STRN3: variants seen among roughly 807,000 people sequenced by gnomAD.
The protein encoded by STRN3 is striatin-3.
A neutral mutation model predicts 95.6 loss-of-function variants in STRN3; 29 were observed. The ratio of observed to expected loss-of-function variants is 0.30; its 90% confidence interval spans 0.23 to 0.41. The LOEUF (loss-of-function observed/expected upper bound fraction) is 0.41. STRN3 is among the 10% of genes least tolerant of loss of function. The pLI, the probability that STRN3 is intolerant of heterozygous loss-of-function variation, is 1.00. For missense variants in STRN3, 890 were observed against 972.1 expected, an observed-to-expected ratio of 0.92 and a Z score of 1.12; for synonymous variants, 331 against 357.6, an observed-to-expected ratio of 0.93 and a Z score of 0.84.
intron 1 of STRN3, among the ~76,000 whole-genome samples, chr14:31,002,303 T>C (rs1882498774): frequency 6.6e-6 from 1 of 151,478 alleles, no homozygotes; most frequent in Non-Finnish European, 1.5e-5. Context: ...AAAAACCTAT[T>C]TCTACTAAAA....
At chr14:30,944,553 G>GTA (rs58426505) in intron 5 of STRN3, among the ~76,000 whole-genome samples, 859 of 65,868 alleles carry the variant, frequency 0.013, 8 homozygotes, top group African/African-American at 0.024. Flanking sequence ...ATATATACAC[G>GTA]TATATATATA....
intron 15 of STRN3, among the ~76,000 whole-genome samples, chr14:30,904,172 G>A (rs573640289): frequency 6.6e-6 from 1 of 152,106 alleles, no homozygotes; most frequent in African/African-American, 2.4e-5. Context: ...TAGATAAATA[G>A]CTGATTTCAG....
intron 1 of STRN3, among the ~76,000 whole-genome samples, chr14:30,992,694 T>G (rs533114111): frequency 1.3e-4 from 19 of 151,970 alleles, no homozygotes; most frequent in Non-Finnish European, 2.5e-4. Flanking sequence ...CGTATTTTTA[T>G]ATGCGTCTAT....
chr14:30,923,887 T>C lies in STRN3; in HGVS notation c.1100-4781A>G, dbSNP rs1313727626. Among the ~76,000 whole-genome samples, 3 of 152,272 alleles carry C rather than the reference T, an allele frequency of 2.0e-5. No homozygotes were observed. The East Asian group carries it at 5.8e-4, about 29-fold the overall frequency. The stretch of plus-strand genomic sequence containing the variant: ...CTCCATATTTCAGATGCTTCGTTCA[T>C]ACTGTGATTTTTAATCATTGATTTA... On this transcript the variant is annotated intron_variant, in intron 8 of 17. Coordinates refer to ENST00000357479, the MANE Select transcript of STRN3 (RefSeq NM_001083893.2).
In STRN3 at chr14:30,907,425, T is replaced by C. The variant is rs570573873; in HGVS notation, c.1721-381A>G. On this transcript the variant is annotated intron_variant, in intron 13 of 17. Transcript: ENST00000357479. ...ACCATCATGACAATCAATTTTAGGG[T>C]ACTTTCATCACTCATTAGTCACTTC... Among the ~76,000 whole-genome samples the C allele has an allele frequency of 1.1e-3, 160 of 152,280 alleles. 6 individuals are homozygous for C. The South Asian group carries it at 0.031, about 30-fold the overall frequency.
intron 5 of STRN3, among the ~76,000 whole-genome samples, chr14:30,939,986 CCTTT>C (rs1411087821): frequency 6.6e-6 from 1 of 151,614 alleles, no homozygotes; most frequent in East Asian, 1.9e-4. Context: ...GACTCTACTT[CCTTT>C]CTTTTATATA....
Position 30,943,558 on chromosome 14 carries a change from C to A in STRN3, c.716+3532G>T, listed in dbSNP as rs566065865. ...ATGGCTACAGTGAGCTGTGATTGTG[C>A]CACTGCACTCCAGCCTGGGCAACAG... On this transcript the variant is annotated intron_variant, in intron 5 of 17. Transcript: ENST00000357479. Among the ~76,000 whole-genome samples, 5 of 152,244 alleles carry A rather than the reference C, an allele frequency of 3.3e-5. No individual in the cohort carries two copies. The East Asian group carries it at 7.7e-4, about 24-fold the overall frequency.
intron 10 of STRN3, among the ~76,000 whole-genome samples, chr14:30,913,075 T>G (rs1453328784): frequency 6.6e-6 from 1 of 152,014 alleles, no homozygotes; most frequent in Admixed American, 6.6e-5. Flanking sequence ...AATGAAGGAG[T>G]TAAGTATTCA....
intron 3 of STRN3, among the ~76,000 whole-genome samples, chr14:30,952,242 CATT>C (rs1439774850): frequency 6.6e-6 from 1 of 152,124 alleles, no homozygotes; most frequent in Non-Finnish European, 1.5e-5. Context: ...CGTAAGTTCC[CATT>C]ATTAACATAA....
At chr14:30,911,295 C>CTTTTT (rs11297035) in intron 12 of STRN3, 133 bp from the exon 13 acceptor site, 113 of 453,232 alleles carry the variant, frequency 2.5e-4, no homozygotes, top group African/African-American at 1.4e-3. Context: ...CTGACTGGTA[C>CTTTTT]TTTTTTTTTT....
chr14:30,978,748 T>C (rs773592284), intron 1 of STRN3, among the ~76,000 whole-genome samples: 1 of 152,192 alleles, frequency 6.6e-6, no homozygotes, highest in East Asian at 1.9e-4. Context: ...GAAGCAATTA[T>C]AAAGCTAGGT....
At chr14:31,025,863 C>G (rs1044146466) in intron 1 of STRN3, 41 bp downstream of exon 1, 2 of 1,576,100 alleles carry the variant, frequency 1.3e-6, no homozygotes, top group South Asian at 1.1e-5. Flanking sequence ...GGCCGGGAAC[C>G]CAGCCGCCGC....
In STRN3 at chr14:30,895,214, T is replaced by G; in HGVS notation, c.*197A>C. 1.7e-6 allele frequency: 1 copy of G among 595,724 alleles called. No homozygotes were observed. Among genetic ancestry groups the G allele is most frequent in the Non-Finnish European group, 2.8e-6 (1 of 358,346 alleles). The allele number at this position is 595,724 out of a possible 1,614,324, so 36.9% of individuals were successfully genotyped here. A position where few individuals can be genotyped will look rare whatever the true frequency, so the allele number is the denominator to read the frequency against. On this transcript the variant is annotated 3_prime_UTR_variant, in exon 18 of 18. Coordinates refer to ENST00000357479, the MANE Select transcript of STRN3 (RefSeq NM_001083893.2). ...AAATACTGGAGTCCTTTTTTCTTTG[T>G]CCCACAAAATACAGTAATTACAGTT...
intron 1 of STRN3, among the ~76,000 whole-genome samples, chr14:31,000,241 C>T (rs117241844): frequency 1.5e-3 from 142 of 97,560 alleles, no homozygotes; most frequent in Non-Finnish European, 2.3e-3. Flanking sequence ...ATAGTATAAA[C>T]GTATTTCTGG....
At chr14:30,978,413 T>C (rs1881221017) in intron 1 of STRN3, among the ~76,000 whole-genome samples, 1 of 152,176 alleles carries the variant, frequency 6.6e-6, no homozygotes, top group Non-Finnish European at 1.5e-5. Flanking sequence ...CAAAATCTTA[T>C]ACCCATTCAT....
chr14:31,025,809 A>G lies in STRN3; in HGVS notation c.282+95T>C. On this transcript the variant is annotated intron_variant, in intron 1 of 17. Transcript: ENST00000357479. ...ACAGGTAGGTTCCGCTCGGCCTCCCAAGGCGCCGGCTCCGGCTGAGTGGAG... is the reference window on the plus strand; with the variant it reads ...ACAGGTAGGTTCCGCTCGGCCTCCCGAGGCGCCGGCTCCGGCTGAGTGGAG... 3.3e-6 allele frequency: 5 copies of G among 1,511,856 alleles called. No homozygotes were observed. The South Asian group carries it at 3.7e-5, about 11-fold the overall frequency. 93.7% of individuals were successfully genotyped at this position (1,511,856 alleles called of 1,614,324 possible). A position where few individuals can be genotyped will look rare whatever the true frequency, so the allele number is the denominator to read the frequency against.
intron 8 of STRN3, among the ~76,000 whole-genome samples, chr14:30,923,590 A>G (rs987376708): frequency 6.6e-6 from 1 of 152,188 alleles, no homozygotes; most frequent in Non-Finnish European, 1.5e-5. Flanking sequence ...GAATGCAAAC[A>G]TACATATTCC....
intron 7 of STRN3, among the ~76,000 whole-genome samples, chr14:30,930,302 T>C (rs1256698367): frequency 1.3e-5 from 2 of 152,130 alleles, no homozygotes; most frequent in African/African-American, 4.8e-5. Context: ...TCTGACTTGT[T>C]AAGTTTTTGA....
intron 1 of STRN3, 185 bp downstream of exon 1, chr14:31,025,719 A>T: frequency 1.2e-6 from 1 of 841,838 alleles, no homozygotes; most frequent in Non-Finnish European, 1.8e-6. Context: ...GAGCAAGCTT[A>T]TGCGGGAAAG....
Sources: allele counts gnomAD v4.1 joint callset (sites outside exome capture counted in the v4.1 genomes callset), GRCh38; gene constraint gnomAD v4.1.1; transcripts MANE v1.5; gene names NCBI Gene and HGNC (gene_info 2026-07-23, HGNC 2026-07-21).